ADAMTSL1: variants seen among roughly 807,000 people sequenced by gnomAD.
ADAMTSL1 encodes ADAMTS like 1, also known as ADAMTS-like protein 1.
A neutral mutation model predicts 201.8 loss-of-function variants in ADAMTSL1; 126 were observed. The ratio of observed to expected loss-of-function variants is 0.62; its 90% confidence interval spans 0.54 to 0.72. The LOEUF is 0.72. ADAMTSL1 is among the 30% of genes least tolerant of loss of function. ADAMTSL1 has a pLI of 0.00. For synonymous variants in ADAMTSL1, 1,121 were observed against 903.4 expected (o/e 1.24, Z -4.32); for missense variants, 2,679 against 2,277.8 (o/e 1.18, Z -3.59).
chr9:18,042,210 A>G (rs753756138), intron 1 of ADAMTSL1, among the ~76,000 whole-genome samples: 1 of 152,154 alleles, frequency 6.6e-6, no homozygotes, highest in Non-Finnish European at 1.5e-5. Context: ...ATTATGAAGC[A>G]TAGAAATAGT....
At chr9:18,595,883 A>G (rs1243073576) in intron 4 of ADAMTSL1, among the ~76,000 whole-genome samples, 3 of 152,126 alleles carry the variant, frequency 2.0e-5, no homozygotes, top group African/African-American at 7.2e-5. Flanking sequence ...TCAGCTGGGT[A>G]TTGGTCTGCA....
intron 1 of ADAMTSL1, among the ~76,000 whole-genome samples, chr9:18,163,416 T>A (rs981776485): frequency 6.6e-6 from 1 of 152,018 alleles, no homozygotes; most frequent in East Asian, 1.9e-4. Context: ...AGTTCTGGGC[T>A]CAGGCCAGGC....
chr9:18,658,641 A>G (rs760786271), intron 8 of ADAMTSL1, among the ~76,000 whole-genome samples: 13 of 152,160 alleles, frequency 8.5e-5, no homozygotes, highest in Non-Finnish European at 1.6e-4. Context: ...CATATTTGTA[A>G]CACGAACAGC....
At chr9:18,109,825 AGTAACCTGT>A (rs1312168716) in intron 1 of ADAMTSL1, among the ~76,000 whole-genome samples, 5 of 152,184 alleles carry the variant, frequency 3.3e-5, no homozygotes, top group Non-Finnish European at 5.9e-5. Flanking sequence ...TCTATGTGGG[AGTAACCTGT>A]AGTCACACCC....
At chr9:18,249,300 C>G (rs1184187605) in intron 2 of ADAMTSL1, among the ~76,000 whole-genome samples, 1 of 152,174 alleles carries the variant, frequency 6.6e-6, no homozygotes, top group Non-Finnish European at 1.5e-5. Flanking sequence ...TGGAAATTAA[C>G]AGCATATAAA....
At chr9:18,848,937 AG>A (rs1826305163) in intron 23 of ADAMTSL1, among the ~76,000 whole-genome samples, 1 of 152,238 alleles carries the variant, frequency 6.6e-6, no homozygotes, top group Non-Finnish European at 1.5e-5. Context: ...AGCAAGAAAA[AG>A]GAAAGAGATT....
chr9:18,527,289 G>T (rs1819140383), intron 2 of ADAMTSL1, among the ~76,000 whole-genome samples: 1 of 152,122 alleles, frequency 6.6e-6, no homozygotes, highest in African/African-American at 2.4e-5. Flanking sequence ...ATAAAGCCTG[G>T]GGTGCCATGA....
chr9:18,653,165 A>T (rs752045023), intron 7 of ADAMTSL1, among the ~76,000 whole-genome samples: 1 of 152,184 alleles, frequency 6.6e-6, no homozygotes, highest in African/African-American at 2.4e-5. Flanking sequence ...TAGGTTTAGG[A>T]TGCAGAGACA....
chr9:18,585,232 T>C (rs1564069384), intron 4 of ADAMTSL1, among the ~76,000 whole-genome samples: 1 of 152,214 alleles, frequency 6.6e-6, no homozygotes, highest in Non-Finnish European at 1.5e-5. Context: ...ATTTATGAAG[T>C]GAAAGAGTTT....
At chr9:18,719,880 T>C (rs575178687) in intron 14 of ADAMTSL1, among the ~76,000 whole-genome samples, 14 of 152,294 alleles carry the variant, frequency 9.2e-5, no homozygotes, top group Middle Eastern at 3.4e-3. Flanking sequence ...GGGTCAACTG[T>C]ACTATACTAG....
rs1039057470 is a variant in ADAMTSL1 at position 18,884,531 on chromosome 9, G to T, written c.4250-3300G>T. ...TTTTCCCCTGCGATTTTTTTTAAGA[G>T]TTTTATGCTTTCAGCTCTTAGGTTT... is the stretch of plus-strand genomic sequence containing the variant. On this transcript the variant is annotated intron_variant, in intron 23 of 28. Coordinates refer to ENST00000380548, the MANE Select transcript of ADAMTSL1 (RefSeq NM_001040272.6). Among the ~76,000 whole-genome samples, 4 of 152,000 alleles carry T rather than the reference G, an allele frequency of 2.6e-5. 1 individual carries two copies. The highest frequency in any genetic ancestry group is 5.9e-5 in the Non-Finnish European group (4 of 67,956).
chr9:18,815,734 A>G (rs896185040), intron 20 of ADAMTSL1, among the ~76,000 whole-genome samples: 19 of 148,872 alleles, frequency 1.3e-4, no homozygotes, highest in Non-Finnish European at 2.2e-4. Context: ...AAAAAAAAAA[A>G]AGAGAAAAAA....
upstream of ADAMTSL1, among the ~76,000 whole-genome samples, chr9:18,472,170 A>C (rs559383775): frequency 1.3e-5 from 2 of 152,244 alleles, no homozygotes; most frequent in Non-Finnish European, 2.9e-5. Context: ...ACCCTTTAGC[A>C]GAAAGCTCTG....
In ADAMTSL1 at chr9:18,127,700, G is replaced by A. The variant is rs556540351; in HGVS notation, c.88-36162G>A. Among the ~76,000 whole-genome samples, 3 of 152,158 alleles carry A rather than the reference G, an allele frequency of 2.0e-5. No homozygotes were observed. The South Asian group carries it at 6.2e-4, about 32-fold the overall frequency. ...AGTCTTCGCTGTCAGCACTGAGAAG[G>A]TTAGTGACCTTGGGAATGGGTGGGG... On this transcript the variant is annotated intron_variant, in intron 1 of 29. Coordinates refer to the ADAMTSL1 transcript ENST00000680146.
chr9:17,924,076 C>G (rs1340407851), intron 1 of ADAMTSL1, among the ~76,000 whole-genome samples: 2 of 139,938 alleles, frequency 1.4e-5, no homozygotes, highest in African/African-American at 5.4e-5. Context: ...GGATATTGGT[C>G]TAAAATTCTC....
intron 1 of ADAMTSL1, among the ~76,000 whole-genome samples, chr9:18,101,297 A>T (rs1327768431): frequency 6.6e-6 from 1 of 152,130 alleles, no homozygotes; most frequent in Non-Finnish European, 1.5e-5. Flanking sequence ...GGAGGTCGAG[A>T]CCAGCCTGAC....
At chr9:18,287,231 A>G (rs1221067220) in intron 2 of ADAMTSL1, among the ~76,000 whole-genome samples, 3 of 151,968 alleles carry the variant, frequency 2.0e-5, no homozygotes, top group Non-Finnish European at 2.9e-5. Context: ...AAGATAAAAC[A>G]CTGTTTTGGC....
At chr9:17,990,148 A>C (rs930622728) in intron 1 of ADAMTSL1, among the ~76,000 whole-genome samples, 2 of 152,026 alleles carry the variant, frequency 1.3e-5, no homozygotes, top group Non-Finnish European at 2.9e-5. Flanking sequence ...TAAAATAAGT[A>C]ATATTTCTCA....
chr9:18,659,575 G>C (rs1380794208), intron 8 of ADAMTSL1, among the ~76,000 whole-genome samples: 1 of 152,168 alleles, frequency 6.6e-6, no homozygotes, highest in African/African-American at 2.4e-5. Context: ...GACCAGTCTG[G>C]CCAACATGGT....
Sources: gnomAD v4.1 joint callset for allele counts (sites outside exome capture counted in the v4.1 genomes callset) on GRCh38, gnomAD v4.1.1 for gene constraint, MANE v1.5 for transcripts, NCBI Gene and HGNC (gene_info 2026-07-23, HGNC 2026-07-21) for gene names.